STK32B: variants seen among roughly 807,000 people sequenced by gnomAD.
STK32B encodes serine/threonine kinase 32B, also known as serine/threonine-protein kinase 32B.
In STK32B, 43 loss-of-function variants were observed where a neutral mutation model predicts 52.6. The ratio of observed to expected loss-of-function variants is 0.82; its 90% CI spans 0.64 to 1.05. The LOEUF is 1.05. Among genes scored for constraint, STK32B ranks in the 50% least tolerant of loss-of-function variants. STK32B has a pLI of 0.00. For synonymous variants in STK32B, 238 were observed against 204.3 expected (o/e 1.17, Z -1.41); for missense variants, 621 against 534.6 (o/e 1.16, Z -1.59).
At chr4:5,474,067 C>T (rs1718044177) in intron 11 of STK32B, among the ~76,000 whole-genome samples, 1 of 151,998 alleles carries the variant, frequency 6.6e-6, no homozygotes, top group Admixed American at 6.6e-5. Context: ...TGAGCCAAGA[C>T]CGCGCCACTG....
At chr4:5,404,795 T>C (rs1208929691) in intron 5 of STK32B, among the ~76,000 whole-genome samples, 1 of 151,952 alleles carries the variant, frequency 6.6e-6, no homozygotes, top group Non-Finnish European at 1.5e-5. Context: ...ATTTGGACTT[T>C]GGTATGTGAA....
At chr4:5,313,514 T>G (rs535452719) in intron 3 of STK32B, among the ~76,000 whole-genome samples, 9 of 152,196 alleles carry the variant, frequency 5.9e-5, no homozygotes, top group Admixed American at 3.3e-4. Context: ...GCAACTGCAG[T>G]AAGTCAAGAG....
intron 3 of STK32B, among the ~76,000 whole-genome samples, chr4:5,223,743 G>A (rs1723685317): frequency 6.6e-6 from 1 of 151,070 alleles, no homozygotes; most frequent in Non-Finnish European, 1.5e-5. Flanking sequence ...CGTGAACCTG[G>A]GAGGCAGAGC....
chr4:5,356,174 C>T (rs1217007305), intron 4 of STK32B, among the ~76,000 whole-genome samples: 1 of 152,158 alleles, frequency 6.6e-6, no homozygotes, highest in Non-Finnish European at 1.5e-5. Context: ...AGATGAGAGA[C>T]ACCTTTCTTG....
At chr4:5,124,269 G>A (rs551292326) in intron 1 of STK32B, among the ~76,000 whole-genome samples, 1 of 152,288 alleles carries the variant, frequency 6.6e-6, no homozygotes, top group East Asian at 1.9e-4. Flanking sequence ...GTGAGCAAAA[G>A]GTTTCACTGG....
chr4:5,356,958 A>C (rs1331276855), intron 4 of STK32B, among the ~76,000 whole-genome samples: 1 of 151,942 alleles, frequency 6.6e-6, no homozygotes, highest in Non-Finnish European at 1.5e-5. Context: ...AGATCGTGCC[A>C]TTGCACTCCA....
intron 3 of STK32B, among the ~76,000 whole-genome samples, chr4:5,194,712 C>T (rs963506844): frequency 6.6e-6 from 1 of 152,168 alleles, no homozygotes; most frequent in Non-Finnish European, 1.5e-5. Flanking sequence ...TTAATTGGCT[C>T]ATGGTTCTGC....
At chr4:5,032,958 C>G in the STK32B span, among the ~76,000 whole-genome samples, 2 of 152,190 alleles carry the variant, frequency 1.3e-5, no homozygotes, top group Non-Finnish European at 2.9e-5. Context: ...ATTTCTTCAT[C>G]TATAAAATGG....
At chr4:5,059,775 C>G (rs1328205267) in intron 1 of STK32B, among the ~76,000 whole-genome samples, 2 of 152,080 alleles carry the variant, frequency 1.3e-5, no homozygotes, top group Non-Finnish European at 1.5e-5. Flanking sequence ...AAAGTCAAGG[C>G]TCAGATATCT....
chr4:5,216,129 A>T (rs1050175397), intron 3 of STK32B, among the ~76,000 whole-genome samples: 3 of 152,172 alleles, frequency 2.0e-5, no homozygotes, highest in African/African-American at 7.2e-5. Flanking sequence ...ATCACCTGGA[A>T]TGCTTGTTAA....
In STK32B at chr4:5,318,217, G is replaced by T. The variant is rs77331870; in HGVS notation, c.261-13003G>T. On this transcript the variant is annotated intron_variant, in intron 3 of 11. Transcript: ENST00000282908. ...GAGTAAATGAGATTATTTCATGTAG[G>T]GATAAATGTTATGAAGAGAGGTTTA... Among the ~76,000 whole-genome samples the T allele has an allele frequency of 9.5e-3, 1,449 of 152,128 alleles. 52 individuals carry two copies. In the East Asian group the frequency reaches 0.11, roughly 12 times the overall value.
At chr4:5,276,697 C>T (rs28520378) in intron 3 of STK32B, among the ~76,000 whole-genome samples, 2,636 of 152,056 alleles carry the variant, frequency 0.017, 41 homozygotes, top group East Asian at 0.071. Flanking sequence ...CTTTTCATCA[C>T]GAGGCTGAGA....
intron 6 of STK32B, among the ~76,000 whole-genome samples, chr4:5,441,100 C>T (rs1162615605): frequency 1.3e-5 from 2 of 149,676 alleles, no homozygotes; most frequent in Non-Finnish European, 3.0e-5. Flanking sequence ...GCTTTGGTAT[C>T]AGGATGATGC....
chr4:5,229,701 G>C (rs1034258623), intron 3 of STK32B, among the ~76,000 whole-genome samples: 11 of 152,062 alleles, frequency 7.2e-5, no homozygotes, highest in Middle Eastern at 6.8e-3. Context: ...ATAGAATAAT[G>C]GTTTTAGGCA....
At chr4:5,339,567 A>G (rs1577368824) in intron 4 of STK32B, among the ~76,000 whole-genome samples, 1 of 152,174 alleles carries the variant, frequency 6.6e-6, no homozygotes, top group Non-Finnish European at 1.5e-5. Flanking sequence ...TCCACTGCGT[A>G]TGTACCAGAC....
At chr4:5,040,116 G>T in the STK32B span, among the ~76,000 whole-genome samples, 1 of 152,162 alleles carries the variant, frequency 6.6e-6, no homozygotes, top group Non-Finnish European at 1.5e-5. Context: ...CTCACATCCT[G>T]TTGGCTGGAA....
intron 1 of STK32B, among the ~76,000 whole-genome samples, chr4:5,080,094 A>G (rs1209452397): frequency 6.6e-6 from 1 of 152,078 alleles, no homozygotes; most frequent in African/African-American, 2.4e-5. Context: ...GTCTCAGCAC[A>G]GAAGCCAGGG....
At chr4:5,341,020 A>G (rs1733038190) in intron 4 of STK32B, among the ~76,000 whole-genome samples, 1 of 152,254 alleles carries the variant, frequency 6.6e-6, no homozygotes, top group South Asian at 2.1e-4. Context: ...CAAGGCGTTC[A>G]AATCCCAGAT....
chr4:5,242,651 C>A (rs1302583531), intron 3 of STK32B, among the ~76,000 whole-genome samples: 1 of 152,108 alleles, frequency 6.6e-6, no homozygotes, highest in Non-Finnish European at 1.5e-5. Flanking sequence ...ACGTCCTTGC[C>A]CATGCCTATG....
Sources: allele counts gnomAD v4.1 joint callset (sites outside exome capture counted in the v4.1 genomes callset), GRCh38; gene constraint gnomAD v4.1.1; transcripts MANE v1.5; gene names NCBI Gene and HGNC (gene_info 2026-07-23, HGNC 2026-07-21).